The following WDR26 variants were observed in gnomAD, a reference collection of about 807,000 sequenced individuals.
WDR26 encodes WD repeat-containing protein 26.
A neutral mutation model predicts 84.1 loss-of-function variants in WDR26; 5 were observed. The observed-to-expected ratio is 0.06, with a 90% CI of 0.03 to 0.13. The LOEUF (loss-of-function observed/expected upper bound fraction) is 0.13, where lower values mean the gene tolerates loss of function less well. WDR26 is among the 10% of genes least tolerant of loss of function. The pLI is 1.00. For missense variants in WDR26, 642 were observed against 974.9 expected (o/e 0.66, Z 4.55); for synonymous variants, 415 against 389.6 (o/e 1.07, Z -0.77).
At chr1:224,391,385 A>AAAAC (rs1673123993) in intron 13 of WDR26, among the ~76,000 whole-genome samples, 7 of 45,888 alleles carry the variant, frequency 1.5e-4, no homozygotes, top group South Asian at 7.8e-4. Context: ...AAAAAAAAAC[A>AAAAC]AAAAAAAAAC....
intron 12 of WDR26, among the ~76,000 whole-genome samples, chr1:224,395,627 A>G (rs1673239201): frequency 6.6e-6 from 1 of 151,592 alleles, no homozygotes; most frequent in Non-Finnish European, 1.5e-5. Context: ...AAAAAAGTAA[A>G]GACAGGTTAG....
chr1:224,397,266 C>T (rs1373785863), intron 12 of WDR26, among the ~76,000 whole-genome samples: 1 of 152,134 alleles, frequency 6.6e-6, no homozygotes, highest in Non-Finnish European at 1.5e-5. Flanking sequence ...GTTGAGATTA[C>T]AGGTGTAAGC....
intron 7 of WDR26, among the ~76,000 whole-genome samples, chr1:224,409,833 AC>A (rs1368350399): frequency 6.6e-6 from 1 of 151,886 alleles, no homozygotes; most frequent in Admixed American, 6.6e-5. Flanking sequence ...ACTGCACTAC[AC>A]CCTGGGGGAC....
At chr1:224,413,956 C>T (rs1035843126) in intron 6 of WDR26, among the ~76,000 whole-genome samples, 12 of 151,728 alleles carry the variant, frequency 7.9e-5, no homozygotes, top group African/African-American at 1.2e-4. Context: ...ATTACAGGTG[C>T]GCACCACTAC....
rs965523675 is a variant in WDR26, at chr1:224,434,244, C to G, written c.162G>C (p.Pro54=). 1 of 1,374,928 alleles carries G rather than the reference C, an allele frequency of 7.3e-7. No individual in the cohort carries two copies. Among genetic ancestry groups the G allele is most frequent in the African/African-American group, 1.5e-5 (1 of 66,518 alleles). 85.2% of individuals were successfully genotyped at this position (1,374,928 alleles called of 1,614,324 possible). A position where few individuals can be genotyped will look rare whatever the true frequency, so the allele number is the denominator to read the frequency against. ...AGGAGGAGGACGAGGACGACGAGGACGGAGGGGAGAGGCCTGCTCTGCCTG... is the reference window on the plus strand; with the variant it reads ...AGGAGGAGGACGAGGACGACGAGGAGGGAGGGGAGAGGCCTGCTCTGCCTG... Residue 54 remains proline (P), a synonymous_variant, in exon 1 of 14, where the codon CCG becomes CCC. Transcript: ENST00000414423.
At chr1:224,407,172 A>ATATATATATATATG (rs1491214480) in intron 7 of WDR26, among the ~76,000 whole-genome samples, 1 of 111,984 alleles carries the variant, frequency 8.9e-6, no homozygotes. Context: ...ATATATATAT[A>ATATATATATATATG]ACTCAAAAAC....
At position 224,387,454 on chromosome 1, in the gene WDR26, T is replaced by C. The variant is rs1019868596; in HGVS notation, c.*2381A>G. The C allele has an allele frequency of 2.6e-5, 4 of 152,668 alleles. No homozygotes were observed. Among genetic ancestry groups the C allele is most frequent in the African/African-American group, 9.6e-5 (4 of 41,458 alleles). 9.5% of individuals were successfully genotyped at this position (152,668 alleles called of 1,614,324 possible). ...CCGGAAAACAAACTCACCTAGCTGC[T>C]ATAGAAACCTTTGCATAGTTGTTAC... is the stretch of plus-strand genomic sequence containing the variant. On this transcript the variant is annotated 3_prime_UTR_variant, in exon 14 of 14. Transcript: ENST00000414423.
chr1:224,434,052 T>TCCA lies in WDR26; in HGVS notation c.351_353dup (p.Gly125dup), dbSNP rs1674516812. ...CCTGGCCCCCGCCGCCCCCTCCTCC[T>TCCA]CCACCGCCGCCGCCGCCACCTCCTC... On this transcript the variant is annotated inframe_insertion, in exon 1 of 14. Coordinates refer to ENST00000414423, the MANE Select transcript of WDR26 (RefSeq NM_001379403.1). 4 of 1,448,240 alleles carry TCCA rather than the reference T, an allele frequency of 2.8e-6. No homozygotes were observed. Among genetic ancestry groups the TCCA allele is most frequent in the African/African-American group, 2.9e-5 (2 of 70,142 alleles). 89.7% of individuals were successfully genotyped at this position (1,448,240 alleles called of 1,614,324 possible). A position where few individuals can be genotyped will look rare whatever the true frequency, so the allele number is the denominator to read the frequency against.
chr1:224,425,836 CA>C (rs1674194084), intron 3 of WDR26, among the ~76,000 whole-genome samples: 1 of 151,968 alleles, frequency 6.6e-6, no homozygotes, highest in Non-Finnish European at 1.5e-5. Context: ...ACTTAAAGTA[CA>C]ATTTTTCTTC....
Position 224,422,932 on chromosome 1 carries a change from T to C in WDR26, c.1064+1586A>G, listed in dbSNP as rs186562029. Among the ~76,000 whole-genome samples the C allele has an allele frequency of 3.1e-3, 471 of 152,280 alleles. 1 individual carries two copies. Among genetic ancestry groups the C allele is most frequent in the African/African-American group, 0.011 (437 of 41,558 alleles). ...GGCTTAAGTTCTTCCCTTAAGCAAC[T>C]GGGTTGAAGATCTTGCGATATACTG... On this transcript the variant is annotated intron_variant, in intron 4 of 13. Coordinates refer to ENST00000414423, the MANE Select transcript of WDR26 (RefSeq NM_001379403.1).
In WDR26 at chr1:224,418,300, G is replaced by A. The variant is rs1259533296; in HGVS notation, c.1279C>T (p.Leu427=). The A allele has an allele frequency of 1.2e-6, 2 of 1,613,322 alleles. No homozygotes were observed. The highest frequency in any genetic ancestry group is 2.2e-5 in the East Asian group (1 of 44,844). The stretch of plus-strand genomic sequence containing the variant: ...TCTATAAGCAGAGACACAGAATCTA[G>A]ATTATTATCAAGTTTGGTATTGTGA... The change falls in exon 6 of 14, where the codon CTA becomes TTA. Residue 427 remains leucine, a synonymous_variant. Coordinates refer to ENST00000414423, the MANE Select transcript of WDR26 (RefSeq NM_001379403.1).
At chr1:224,404,120 T>C (rs1673491598) in intron 8 of WDR26, among the ~76,000 whole-genome samples, 1 of 152,178 alleles carries the variant, frequency 6.6e-6, no homozygotes, top group African/African-American at 2.4e-5. Context: ...GTAGGTGTAA[T>C]GTACAATTGT....
At position 224,397,003 on chromosome 1, in the gene WDR26, T is replaced by C. The variant is rs1251318419; in HGVS notation, c.2074+1094A>G. 2.0e-5 allele frequency among the ~76,000 whole-genome samples: 3 copies of C among 152,230 alleles called. No individual in the cohort carries two copies. In the East Asian group the frequency reaches 5.8e-4, roughly 29 times the overall value. The stretch of plus-strand genomic sequence containing the variant: ...TGTCCCAATCCTTAAATATGCCTTA[T>C]TCTTAAAGGTAAACCTCATGTGCAC... On this transcript the variant is annotated intron_variant, in intron 12 of 13. Coordinates refer to ENST00000414423, the MANE Select transcript of WDR26 (RefSeq NM_001379403.1).
chr1:224,434,313 G>A lies in WDR26; in HGVS notation c.93C>T (p.Pro31=), dbSNP rs1409033933. The A allele has an allele frequency of 8.1e-7, 1 of 1,233,002 alleles. No individual in the cohort carries two copies. The highest frequency in any genetic ancestry group is 1.6e-5 in the African/African-American group (1 of 64,302). The allele number at this position is 1,233,002 out of a possible 1,614,324, so 76.4% of individuals were successfully genotyped here. A position where few individuals can be genotyped will look rare whatever the true frequency, so the allele number is the denominator to read the frequency against. The change falls in exon 1 of 14, where the codon CCC becomes CCT. Residue 31 remains proline (P), a synonymous_variant. Coordinates refer to ENST00000414423, the MANE Select transcript of WDR26 (RefSeq NM_001379403.1). ...CTACTCCCTCCGCCGCCGAGGCTCG[G>A]GGTTTCTTCCGCGGGGGCGGGGAGG...
chr1:224,390,628 A>G (rs767658557), intron 13 of WDR26, among the ~76,000 whole-genome samples: 3 of 152,196 alleles, frequency 2.0e-5, no homozygotes, highest in Non-Finnish European at 4.4e-5. Context: ...GGGGAGGTGT[A>G]TAACAGCTTT....
intron 9 of WDR26, among the ~76,000 whole-genome samples, chr1:224,399,302 C>A (rs1673346626): frequency 6.6e-6 from 1 of 152,048 alleles, no homozygotes; most frequent in Non-Finnish European, 1.5e-5. Context: ...ATAAATAACA[C>A]AAAGAAAGAA....
At chr1:224,424,156 T>C (rs1441185255) in intron 4 of WDR26, among the ~76,000 whole-genome samples, 1 of 152,320 alleles carries the variant, frequency 6.6e-6, no homozygotes, top group East Asian at 1.9e-4. Context: ...CTTAAAAAAG[T>C]TAGTGTGCAC....
intron 13 of WDR26, 31 bp from the exon 14 acceptor site, chr1:224,389,891 GGCGGGC>G: frequency 7.3e-7 from 1 of 1,366,160 alleles, no homozygotes; most frequent in Non-Finnish European, 9.9e-7. Flanking sequence ...ATGTATGGGG[GGCGGGC>G]GGGGGAGGGA....
rs1048649080 is a variant in WDR26 at position 224,386,442 on chromosome 1, A to G, written c.*3393T>C. On this transcript the variant is annotated 3_prime_UTR_variant, in exon 14 of 14. Coordinates refer to ENST00000414423, the MANE Select transcript of WDR26 (RefSeq NM_001379403.1). ...TTTTCCCTTTCAAGAGATGTATGAT[A>G]TATTTACCCACTGTGAGGCAGAGGT... is the stretch of plus-strand genomic sequence containing the variant. 1.3e-5 allele frequency: 2 copies of G among 152,614 alleles called. No individual in the cohort carries two copies. The highest frequency in any genetic ancestry group is 2.9e-5 in the Non-Finnish European group (2 of 68,030). The allele number at this position is 152,614 out of a possible 1,614,324, so 9.5% of individuals were successfully genotyped here.
Sources: allele counts gnomAD v4.1 joint callset (sites outside exome capture counted in the v4.1 genomes callset), GRCh38; gene constraint gnomAD v4.1.1; transcripts MANE v1.5; gene names NCBI Gene and HGNC (gene_info 2026-07-23, HGNC 2026-07-21).